The following DNAH6 variants were observed in gnomAD, a reference collection of about 807,000 sequenced individuals.
DNAH6 encodes the protein axonemal beta dynein heavy chain 6.
In DNAH6, 340 loss-of-function variants were observed where a neutral mutation model predicts 491.4. The ratio of observed to expected loss-of-function variants is 0.69; its 90% CI spans 0.63 to 0.76. DNAH6 has a LOEUF of 0.76. DNAH6 is among the 30% of genes least tolerant of loss of function. DNAH6 has a pLI of 0.00. For synonymous variants in DNAH6, 1,603 were observed against 1,686.1 expected (o/e 0.95, Z 1.21); for missense variants, 4,443 against 4,972.2 (o/e 0.89, Z 3.20).
intron 66 of DNAH6, among the ~76,000 whole-genome samples, 154 bp from the exon 67 acceptor site, chr2:84,785,456 A>C (rs1677086250): frequency 6.6e-6 from 1 of 152,210 alleles, no homozygotes; most frequent in African/African-American, 2.4e-5. Context: ...GCAAGATACA[A>C]AGCAGGCTCG....
At chr2:84,587,080 AT>A (rs1337650334) in intron 15 of DNAH6, among the ~76,000 whole-genome samples, 1 of 152,114 alleles carries the variant, frequency 6.6e-6, no homozygotes, top group African/African-American at 2.4e-5. Flanking sequence ...CCCAATAGAT[AT>A]TTTTTCTGAT....
intron 10 of DNAH6, among the ~76,000 whole-genome samples, chr2:84,553,360 TTTTCTTTTCTTTCTTTCTTTCTTTC>T (rs1223838399): frequency 0.019 from 2,164 of 112,980 alleles, 88 homozygotes; most frequent in East Asian, 0.034. Flanking sequence ...TTTTCTTTTC[TTTTCTTTTCTTTCTTTCTTTCTTTC>T]TTTCTTTCTT....
chr2:84,813,292 G>A (rs923278095), intron 74 of DNAH6, among the ~76,000 whole-genome samples, 162 bp downstream of exon 74: 2 of 152,304 alleles, frequency 1.3e-5, no homozygotes, highest in African/African-American at 4.8e-5. Flanking sequence ...CTTGTGGGGG[G>A]CAGAGGAAAG....
At chr2:84,722,408 C>T (rs1472936900) in intron 59 of DNAH6, among the ~76,000 whole-genome samples, 1 of 152,144 alleles carries the variant, frequency 6.6e-6, no homozygotes, top group Non-Finnish European at 1.5e-5. Context: ...TTGCCTGCTG[C>T]CCTCTGCCTA....
At position 84,625,105 on chromosome 2, in the gene DNAH6, G is replaced by A. The variant is rs1361273048; in HGVS notation, c.4515+42G>A. On this transcript the variant is annotated intron_variant, in intron 29 of 76. Transcript: ENST00000389394. ...TGAATATTAACATTAAGTGTTTTAT[G>A]TGTCTTTCTCTATTTGCAACATGAC... 8 of 1,438,638 alleles carry A rather than the reference G, an allele frequency of 5.6e-6. No homozygotes were observed. In the Admixed American group the frequency reaches 1.9e-4, roughly 34 times the overall value. The allele number at this position is 1,438,638 out of a possible 1,614,324, so 89.1% of individuals were successfully genotyped here. A position where few individuals can be genotyped will look rare whatever the true frequency, so the allele number is the denominator to read the frequency against.
chr2:84,691,950 G>GC (rs1253505165), intron 45 of DNAH6, among the ~76,000 whole-genome samples: 3 of 152,244 alleles, frequency 2.0e-5, no homozygotes, highest in Non-Finnish European at 4.4e-5. Context: ...AAGTGGACCT[G>GC]TCTGAGGAGC....
At chr2:84,498,951 T>C in the DNAH6 span, among the ~76,000 whole-genome samples, 1 of 152,178 alleles carries the variant, frequency 6.6e-6, no homozygotes, top group Non-Finnish European at 1.5e-5. Context: ...CTTATATTTA[T>C]GGGGTACATG....
the DNAH6 span, among the ~76,000 whole-genome samples, chr2:84,487,644 G>T: frequency 6.6e-6 from 1 of 152,216 alleles, no homozygotes; most frequent in Non-Finnish European, 1.5e-5. Flanking sequence ...TAAATCTTGA[G>T]CAGCCCTTGT....
chr2:84,787,028 T>C (rs774933263), intron 67 of DNAH6, 136 bp from the exon 68 acceptor site: 6 of 584,990 alleles, frequency 1.0e-5, no homozygotes, highest in Non-Finnish European at 1.7e-5. Flanking sequence ...TAGCTGAAGT[T>C]GAGCCACATG....
At chr2:84,503,314 T>C in the DNAH6 span, among the ~76,000 whole-genome samples, 1 of 152,156 alleles carries the variant, frequency 6.6e-6, no homozygotes, top group Non-Finnish European at 1.5e-5. Flanking sequence ...TTTTAAACTT[T>C]TTGTTGTTTC....
At chr2:84,774,318 A>G (rs186700368) in intron 64 of DNAH6, among the ~76,000 whole-genome samples, 1 of 152,204 alleles carries the variant, frequency 6.6e-6, no homozygotes, top group Non-Finnish European at 1.5e-5. Context: ...TATTAAACAG[A>G]AAATCTTTTC....
rs1675606579 is a variant in DNAH6, at chr2:84,516,517, T to G, written c.-75T>G. The G allele has an allele frequency of 6.6e-6, 1 of 152,202 alleles. No individual in the cohort carries two copies. The highest frequency in any genetic ancestry group is 2.1e-4 in the South Asian group (1 of 4,832). The allele number at this position is 152,202 out of a possible 1,614,324, so 9.4% of individuals were successfully genotyped here. On this transcript the variant is annotated 5_prime_UTR_variant, in exon 1 of 77. Transcript: ENST00000389394. ...GGAAACATTCCGCGCTACCGAGTAC[T>G]TTCTACTCCCGACCAGGCATTGCTC...
At chr2:84,529,190 T>C (rs1330024701) in intron 4 of DNAH6, 24 bp downstream of exon 4, 1 of 1,477,528 alleles carries the variant, frequency 6.8e-7, no homozygotes, top group South Asian at 1.3e-5. Context: ...TATGATGCAA[T>C]TTAACATAAA....
At chr2:84,488,601 G>A in the DNAH6 span, among the ~76,000 whole-genome samples, 10 of 151,890 alleles carry the variant, frequency 6.6e-5, no homozygotes, top group African/African-American at 1.7e-4. Flanking sequence ...TACTTCCGCC[G>A]TCACTTCTTT....
chr2:84,799,878 G>C (rs975795203), intron 70 of DNAH6, among the ~76,000 whole-genome samples: 1 of 152,214 alleles, frequency 6.6e-6, no homozygotes, highest in Non-Finnish European at 1.5e-5. Flanking sequence ...AGCCCTTCCT[G>C]TTGGGGCCTG....
rs372403511 is a variant in DNAH6, at chr2:84,704,330, A to G, written c.8465+28A>G. 6.1e-5 allele frequency: 90 copies of G among 1,472,702 alleles called. No individual in the cohort carries two copies. The African/African-American group carries it at 7.3e-4, about 12-fold the overall frequency. 91.2% of individuals were successfully genotyped at this position (1,472,702 alleles called of 1,614,324 possible). ...GAGTAATTCAGAGTCATGTATTGCCATGATACCTGGTAAGAGTTCTTTACT... is the reference window on the plus strand; with the variant it reads ...GAGTAATTCAGAGTCATGTATTGCCGTGATACCTGGTAAGAGTTCTTTACT... On this transcript the variant is annotated intron_variant, in intron 51 of 76. Coordinates refer to ENST00000389394, the MANE Select transcript of DNAH6 (RefSeq NM_001370.2).
intron 43 of DNAH6, among the ~76,000 whole-genome samples, chr2:84,685,969 A>C (rs1332196976): frequency 6.6e-6 from 1 of 152,198 alleles, no homozygotes; most frequent in Non-Finnish European, 1.5e-5. Context: ...CAAGCGGATC[A>C]CAAAGTCAGG....
intron 14 of DNAH6, among the ~76,000 whole-genome samples, chr2:84,582,860 C>T (rs1387894029): frequency 6.6e-6 from 1 of 152,184 alleles, no homozygotes; most frequent in African/African-American, 2.4e-5. Context: ...TGTTAATGAC[C>T]TGTTATGTTT....
the DNAH6 span, among the ~76,000 whole-genome samples, chr2:84,507,626 G>A: frequency 6.6e-6 from 1 of 152,044 alleles, no homozygotes; most frequent in Non-Finnish European, 1.5e-5. Flanking sequence ...GGTGAGAGAG[G>A]GCATCCCTGT....
Sources: allele counts gnomAD v4.1 joint callset (sites outside exome capture counted in the v4.1 genomes callset), GRCh38; gene constraint gnomAD v4.1.1; transcripts MANE v1.5; gene names NCBI Gene and HGNC (gene_info 2026-07-23, HGNC 2026-07-21).